The following USP12 variants were observed in gnomAD, a reference collection of about 807,000 sequenced individuals.
USP12 encodes ubiquitin specific peptidase 12.
Under a neutral mutation model 45.5 loss-of-function variants are expected in USP12, and 19 were observed. That is an observed-to-expected ratio of 0.42 (90% CI 0.29 to 0.61). The LOEUF is 0.61. USP12 is among the 20% of genes least tolerant of loss of function. USP12 has a pLI of 0.22. For missense variants in USP12, 242 were observed against 447.7 expected (o/e 0.54, Z 4.15); for synonymous variants, 149 against 148.8 (o/e 1.00, Z -0.01).
chr13:27,136,877 G>A (rs1376909386), intron 1 of USP12, among the ~76,000 whole-genome samples: 2 of 152,190 alleles, frequency 1.3e-5, no homozygotes, highest in African/African-American at 4.8e-5. Flanking sequence ...GTTTAAGTTA[G>A]AGGGAGTAAA....
intron 1 of USP12, chr13:27,170,455 TAAC>T (rs1878538870): frequency 1.0e-5 from 4 of 396,988 alleles, no homozygotes; most frequent in Non-Finnish European, 8.9e-6. Context: ...AAGTCTCTAA[TAAC>T]AACCACTAGG....
intron 1 of USP12, among the ~76,000 whole-genome samples, chr13:27,127,935 A>G (rs1051404677): frequency 6.6e-6 from 1 of 152,246 alleles, no homozygotes; most frequent in African/African-American, 2.4e-5. Flanking sequence ...ACAGGCATGT[A>G]ATTTTAACTT....
intron 4 of USP12, among the ~76,000 whole-genome samples, chr13:27,093,309 GA>G (rs61614819): frequency 6.8e-6 from 1 of 147,838 alleles, no homozygotes. Flanking sequence ...AATTATACCC[GA>G]AAAAAAAAAC....
intron 1 of USP12, among the ~76,000 whole-genome samples, chr13:27,161,996 C>T (rs944013714): frequency 2.0e-5 from 3 of 152,148 alleles, no homozygotes; most frequent in African/African-American, 7.2e-5. Flanking sequence ...CATTAAAATA[C>T]TCATTTTCAA....
intron 1 of USP12, among the ~76,000 whole-genome samples, chr13:27,158,104 T>C (rs1008158090): frequency 7.9e-5 from 12 of 152,206 alleles, no homozygotes; most frequent in African/African-American, 2.9e-4. Context: ...TATTTTGAAA[T>C]AGGGTCTTTA....
In USP12 at chr13:27,143,441, C is replaced by A. The variant is rs149932492; in HGVS notation, c.49-26845G>T. Among the ~76,000 whole-genome samples the A allele has an allele frequency of 3.7e-3, 561 of 152,158 alleles. 1 individual carries two copies. The highest frequency in any genetic ancestry group is 0.013 in the African/African-American group (537 of 41,500). ...AAAAGTTCTTCTTTACAGAGGAATG[C>A]CTACTAATAAACATGAAAAAAACAA... On this transcript the variant is annotated intron_variant, in intron 1 of 8. Transcript: ENST00000282344.
At chr13:27,106,787 G>T (rs1444796192) in intron 2 of USP12, among the ~76,000 whole-genome samples, 1 of 151,936 alleles carries the variant, frequency 6.6e-6, no homozygotes, top group East Asian at 1.9e-4. Flanking sequence ...TGGAGAGATG[G>T]ATAAAAATGA....
chr13:27,123,041 G>C lies in USP12; in HGVS notation c.49-6445C>G, dbSNP rs184367622. Among the ~76,000 whole-genome samples the C allele has an allele frequency of 2.6e-5, 4 of 151,318 alleles. No individual in the cohort carries two copies. The East Asian group carries it at 7.8e-4, about 29-fold the overall frequency. On this transcript the variant is annotated intron_variant, in intron 1 of 8. Coordinates refer to ENST00000282344, the MANE Select transcript of USP12 (RefSeq NM_182488.4). ...TGGGAGGCGGAGCTTGCAGTGAGCC[G>C]AGATCGCACCACTGCACTCCAGCCT...
At chr13:27,156,064 C>A (rs902494169) in intron 1 of USP12, among the ~76,000 whole-genome samples, 1 of 151,990 alleles carries the variant, frequency 6.6e-6, no homozygotes, top group Non-Finnish European at 1.5e-5. Context: ...TTGCTAAAAA[C>A]CATGAGGTAA....
chr13:27,140,128 C>A (rs1425246511), intron 1 of USP12, among the ~76,000 whole-genome samples: 1 of 150,998 alleles, frequency 6.6e-6, no homozygotes, highest in Non-Finnish European at 1.5e-5. Context: ...ATTCTAATCC[C>A]CAAAATAGTT....
At chr13:27,114,735 G>A (rs1875630477) in intron 2 of USP12, among the ~76,000 whole-genome samples, 1 of 150,638 alleles carries the variant, frequency 6.6e-6, no homozygotes, top group Non-Finnish European at 1.5e-5. Flanking sequence ...TTTCTGCTAG[G>A]TTAATCTGTG....
intron 1 of USP12, among the ~76,000 whole-genome samples, chr13:27,148,224 G>C (rs182303148): frequency 6.6e-6 from 1 of 152,104 alleles, no homozygotes; most frequent in East Asian, 1.9e-4. Flanking sequence ...AAGTTGTTCA[G>C]GCTAGAAGCA....
intron 1 of USP12, among the ~76,000 whole-genome samples, chr13:27,162,667 C>T (rs539506924): frequency 6.6e-6 from 1 of 152,106 alleles, no homozygotes; most frequent in South Asian, 2.1e-4. Context: ...AAGAGATTGC[C>T]CTTTCATTTT....
At chr13:27,162,439 T>A (rs1258321727) in intron 1 of USP12, among the ~76,000 whole-genome samples, 3 of 152,204 alleles carry the variant, frequency 2.0e-5, no homozygotes, top group African/African-American at 7.2e-5. Context: ...TTGGACCCCA[T>A]CCCTAGCTGC....
chr13:27,138,331 A>C (rs879536607), intron 1 of USP12, among the ~76,000 whole-genome samples: 1 of 152,254 alleles, frequency 6.6e-6, no homozygotes, highest in Non-Finnish European at 1.5e-5. Context: ...GAAAAATTTA[A>C]CAAAGATGTA....
intron 1 of USP12, among the ~76,000 whole-genome samples, chr13:27,155,981 AC>A (rs1169001628): frequency 6.6e-6 from 1 of 152,210 alleles, no homozygotes; most frequent in East Asian, 1.9e-4. Context: ...CTTAAAAAAA[AC>A]CTATAGAAGC....
At chr13:27,140,021 C>G (rs150404725) in intron 1 of USP12, among the ~76,000 whole-genome samples, 2 of 152,216 alleles carry the variant, frequency 1.3e-5, no homozygotes, top group African/African-American at 4.8e-5. Flanking sequence ...CACTCCCTAC[C>G]TGCAAAATAC....
chr13:27,124,351 T>C (rs567981218), intron 1 of USP12, among the ~76,000 whole-genome samples: 3 of 152,360 alleles, frequency 2.0e-5, no homozygotes, highest in East Asian at 3.9e-4. Context: ...TGAAAAGTTA[T>C]ATTCAGTATA....
At chr13:27,090,308 C>G (rs1593178744) in intron 4 of USP12, 150 bp from the exon 5 acceptor site, 1 of 587,980 alleles carries the variant, frequency 1.7e-6, no homozygotes, top group East Asian at 2.8e-5. Flanking sequence ...TTTGGATTAT[C>G]CAAAAGGACA....
Sources: allele counts gnomAD v4.1 joint callset (sites outside exome capture counted in the v4.1 genomes callset), GRCh38; gene constraint gnomAD v4.1.1; transcripts MANE v1.5; gene names NCBI Gene and HGNC (gene_info 2026-07-23, HGNC 2026-07-21).